GRM7: variants seen among roughly 807,000 people sequenced by gnomAD.
The protein encoded by GRM7 is metabotropic glutamate receptor 7.
GRM7 carries 35 observed loss-of-function variants against 84.5 expected under a neutral mutation model. The observed-to-expected ratio is 0.41, with a 90% CI of 0.32 to 0.55. GRM7 has a LOEUF of 0.55. Among genes scored for constraint, GRM7 ranks in the 20% least tolerant of loss-of-function variants. GRM7 has a pLI of 0.19. For missense variants in GRM7, 1,003 were observed against 1,194.6 expected, an observed-to-expected ratio of 0.84 and a Z score of 2.36; for synonymous variants, 487 against 455.1, an observed-to-expected ratio of 1.07 and a Z score of -0.89.
At chr3:6,898,458 G>A (rs965764207) in intron 1 of GRM7, among the ~76,000 whole-genome samples, 5 of 150,604 alleles carry the variant, frequency 3.3e-5, no homozygotes, top group Non-Finnish European at 7.4e-5. Context: ...TGAATGTTCT[G>A]TGTGTGACTG....
chr3:7,440,769 G>A (rs1697255076), intron 5 of GRM7, among the ~76,000 whole-genome samples: 1 of 152,078 alleles, frequency 6.6e-6, no homozygotes, highest in Admixed American at 6.6e-5. Flanking sequence ...TCCTGTTTTA[G>A]TGTGCTTAGA....
At chr3:7,247,076 A>G (rs1210135198) in intron 2 of GRM7, among the ~76,000 whole-genome samples, 1 of 152,202 alleles carries the variant, frequency 6.6e-6, no homozygotes, top group Non-Finnish European at 1.5e-5. Flanking sequence ...TTTTCAATCT[A>G]TATTACTTGA....
chr3:6,937,829 T>G (rs926152143), intron 1 of GRM7, among the ~76,000 whole-genome samples: 6 of 152,238 alleles, frequency 3.9e-5, no homozygotes, highest in African/African-American at 1.4e-4. Context: ...GCAAGCTTGT[T>G]GTTGTGGTCA....
At chr3:7,722,477 C>G (rs548976887) in intron 9 of GRM7, among the ~76,000 whole-genome samples, 2 of 146,110 alleles carry the variant, frequency 1.4e-5, no homozygotes, top group East Asian at 4.0e-4. Flanking sequence ...GACAGTCTTG[C>G]TCTGTTGCCT....
intron 4 of GRM7, among the ~76,000 whole-genome samples, chr3:7,383,795 C>A (rs538690205): frequency 6.6e-6 from 1 of 152,244 alleles, no homozygotes; most frequent in Admixed American, 6.5e-5. Context: ...CCATACCACC[C>A]TGGGGTATAT....
At chr3:6,971,557 A>G (rs1256358839) in intron 1 of GRM7, among the ~76,000 whole-genome samples, 1 of 152,188 alleles carries the variant, frequency 6.6e-6, no homozygotes, top group East Asian at 1.9e-4. Context: ...AGTTTCACCA[A>G]TTGTTCCAAA....
intron 3 of GRM7, among the ~76,000 whole-genome samples, chr3:7,305,177 TAC>T (rs1353637549): frequency 6.6e-6 from 1 of 152,192 alleles, no homozygotes; most frequent in Non-Finnish European, 1.5e-5. Flanking sequence ...ATTTCTATTA[TAC>T]TGACTTTTAG....
intron 4 of GRM7, among the ~76,000 whole-genome samples, chr3:7,313,983 A>G (rs1490293156): frequency 4.6e-5 from 7 of 152,316 alleles, no homozygotes; most frequent in Admixed American, 4.6e-4. Flanking sequence ...TTAGAAATGT[A>G]TAAATATTGA....
intron 9 of GRM7, among the ~76,000 whole-genome samples, chr3:7,722,641 C>T (rs770134091): frequency 1.2e-4 from 18 of 152,250 alleles, no homozygotes; most frequent in Non-Finnish European, 2.1e-4. Flanking sequence ...CAGGGGTTCA[C>T]CACGTTGGCC....
intron 1 of GRM7, among the ~76,000 whole-genome samples, chr3:7,069,198 A>G (rs1329817040): frequency 6.6e-6 from 1 of 152,004 alleles, no homozygotes; most frequent in Admixed American, 6.6e-5. Context: ...ATGAGGGGTA[A>G]TGAAACACTC....
At chr3:7,577,317 A>C (rs1266644380) in intron 7 of GRM7, among the ~76,000 whole-genome samples, 2 of 152,202 alleles carry the variant, frequency 1.3e-5, no homozygotes, top group African/African-American at 4.8e-5. Context: ...AAAATCTTGC[A>C]AACTCTATTG....
intron 4 of GRM7, among the ~76,000 whole-genome samples, chr3:7,350,187 A>C (rs1441902855): frequency 5.3e-5 from 8 of 152,142 alleles, no homozygotes; most frequent in African/African-American, 1.9e-4. Context: ...ATGACCATAT[A>C]CTGCATTGTT....
intron 4 of GRM7, among the ~76,000 whole-genome samples, chr3:7,314,367 C>T (rs984053304): frequency 2.0e-5 from 3 of 151,414 alleles, no homozygotes; most frequent in Non-Finnish European, 2.9e-5. Flanking sequence ...TCATCATTAG[C>T]ATCTCTATAT....
At chr3:7,024,732 C>T (rs1038276580) in intron 1 of GRM7, among the ~76,000 whole-genome samples, 1 of 152,154 alleles carries the variant, frequency 6.6e-6, no homozygotes, top group African/African-American at 2.4e-5. Context: ...TATCATTTTC[C>T]CGTAACTCTA....
At chr3:7,035,928 A>G (rs1458245226) in intron 1 of GRM7, among the ~76,000 whole-genome samples, 1 of 152,212 alleles carries the variant, frequency 6.6e-6, no homozygotes, top group Non-Finnish European at 1.5e-5. Flanking sequence ...AGCATATACT[A>G]TGTGCCAGGC....
chr3:7,042,599 G>T (rs1696668193), intron 1 of GRM7, among the ~76,000 whole-genome samples: 1 of 151,990 alleles, frequency 6.6e-6, no homozygotes, highest in African/African-American at 2.4e-5. Context: ...CATCTGCAAT[G>T]TCTAATACAC....
In GRM7 at chr3:6,928,942, G is replaced by T. The variant is rs1270712000; in HGVS notation, c.519+67035G>T. Among the ~76,000 whole-genome samples the T allele has an allele frequency of 2.6e-5, 4 of 152,136 alleles. No homozygotes were observed. Among genetic ancestry groups the T allele is most frequent in the African/African-American group, 9.7e-5 (4 of 41,434 alleles). ...CGGCAGTTTTGATTAGATGCCTTGGGTCAGTGCTTAGTTAATATCTTGCAC... is the reference window on the plus strand; with the variant it reads ...CGGCAGTTTTGATTAGATGCCTTGGTTCAGTGCTTAGTTAATATCTTGCAC... On this transcript the variant is annotated intron_variant, in intron 1 of 9. Transcript: ENST00000357716. This position sits in a 1 kb window ranked among gnomAD's most constrained non-coding sequence, Gnocchi z 4.5.
intron 1 of GRM7, among the ~76,000 whole-genome samples, chr3:7,111,495 G>A (rs1242956949): frequency 6.6e-6 from 1 of 152,068 alleles, no homozygotes. Context: ...GCAGGAGAAT[G>A]GAAGAAAGCA....
intron 5 of GRM7, among the ~76,000 whole-genome samples, chr3:7,423,044 G>T (rs1696461252): frequency 6.6e-6 from 1 of 152,098 alleles, no homozygotes; most frequent in Admixed American, 6.6e-5. Context: ...TGAAATAGAG[G>T]TGTATAGATG....
Sources: allele counts gnomAD v4.1 joint callset (sites outside exome capture counted in the v4.1 genomes callset), GRCh38; gene constraint gnomAD v4.1.1; non-coding constraint Gnocchi (gnomAD v3.1); transcripts MANE v1.5; gene names NCBI Gene and HGNC (gene_info 2026-07-23, HGNC 2026-07-21).